The following CD247 variants were observed in gnomAD, a reference collection of about 807,000 sequenced individuals.
CD247 encodes the protein T-cell surface glycoprotein CD3 zeta chain.
CD247 carries 13 observed loss-of-function variants against 30.0 expected under a neutral mutation model. That is an observed-to-expected ratio of 0.43 (90% CI 0.28 to 0.69). The LOEUF (loss-of-function observed/expected upper bound fraction) is 0.69, where lower values mean the gene tolerates loss of function less well. Among genes scored for constraint, CD247 ranks in the 30% least tolerant of loss-of-function variants. The probability of loss-of-function intolerance (pLI) is 0.16; values close to 1 mark genes in which losing one functional copy is unlikely to be tolerated. For missense variants in CD247, 193 were observed against 212.6 expected, an observed-to-expected ratio of 0.91 and a Z score of 0.57; for synonymous variants, 72 against 80.0, an observed-to-expected ratio of 0.90 and a Z score of 0.53.
intron 1 of CD247, among the ~76,000 whole-genome samples, chr1:167,487,054 A>G (rs2102071728): frequency 6.7e-6 from 1 of 149,786 alleles, no homozygotes; most frequent in East Asian, 2.0e-4. Flanking sequence ...AGCCTGGGTG[A>G]CAGAGCAAGA....
chr1:167,475,120 T>C (rs1653691081), intron 1 of CD247, among the ~76,000 whole-genome samples: 1 of 152,186 alleles, frequency 6.6e-6, no homozygotes, highest in South Asian at 2.1e-4. Context: ...ACATACTTAT[T>C]GCTCACCCTT....
At position 167,430,918 on chromosome 1, in the gene CD247, T is replaced by G. The variant is rs1259252122; in HGVS notation, c.*763A>C. On this transcript the variant is annotated 3_prime_UTR_variant, in exon 8 of 8. Transcript: ENST00000362089. The stretch of plus-strand genomic sequence containing the variant: ...CGTGAAGTGAATCAACGGCCTCCTC[T>G]TGCTCCGCAGCACTTTATTCACACT... 1 of 398,814 alleles carries G rather than the reference T, an allele frequency of 2.5e-6. No homozygotes were observed. The highest frequency in any genetic ancestry group is 2.1e-5 in the African/African-American group (1 of 48,760). 24.7% of individuals were successfully genotyped at this position (398,814 alleles called of 1,614,324 possible).
Position 167,438,841 on chromosome 1 carries a change from C to T in CD247, c.220-191G>A, listed in dbSNP as rs534823594. 5.3e-5 allele frequency among the ~76,000 whole-genome samples: 8 copies of T among 152,266 alleles called. No individual in the cohort carries two copies. In the South Asian group the frequency reaches 1.7e-3, roughly 32 times the overall value. On this transcript the variant is annotated intron_variant, in intron 3 of 7. Coordinates refer to ENST00000362089, the MANE Select transcript of CD247 (RefSeq NM_198053.3). ...GGACATCTCAGAGAACACGCCTTAA[C>T]ATGACAGTGGATGGGATCCCCAAAG...
At chr1:167,459,142 TTAA>T (rs1652871722) in intron 1 of CD247, among the ~76,000 whole-genome samples, 1 of 134,980 alleles carries the variant, frequency 7.4e-6, no homozygotes. Flanking sequence ...CTCAAAAATT[TTAA>T]AAAAAAAAAA....
intron 1 of CD247, among the ~76,000 whole-genome samples, chr1:167,500,000 T>TG (rs1379204951): frequency 6.6e-6 from 1 of 152,208 alleles, no homozygotes; most frequent in Non-Finnish European, 1.5e-5. Context: ...TTCTCCTCCC[T>TG]GGGGCACGTG....
intron 1 of CD247, chr1:167,459,857 A>G (rs748351508): frequency 1.3e-5 from 2 of 152,198 alleles, no homozygotes; most frequent in Admixed American, 6.5e-5. Flanking sequence ...ATATTTGGTG[A>G]CAGGTCTGTC....
intron 1 of CD247, among the ~76,000 whole-genome samples, chr1:167,491,731 CAGAT>C (rs754943481): frequency 2.2e-4 from 34 of 152,280 alleles, no homozygotes; most frequent in Non-Finnish European, 3.1e-4. Context: ...CACTCATTGA[CAGAT>C]GGATGGATGA....
intron 1 of CD247, among the ~76,000 whole-genome samples, chr1:167,479,481 GATGTGACAT>G (rs1271384706): frequency 1.3e-5 from 2 of 152,182 alleles, no homozygotes; most frequent in African/African-American, 4.8e-5. Flanking sequence ...GCGATTACAT[GATGTGACAT>G]ATCCGCCTCC....
intron 1 of CD247, among the ~76,000 whole-genome samples, chr1:167,471,606 G>C (rs184698542): frequency 6.6e-6 from 1 of 151,958 alleles, no homozygotes; most frequent in Admixed American, 6.6e-5. Flanking sequence ...CTTATATTTT[G>C]TTTATGTGTT....
chr1:167,445,942 G>C (rs540317029), intron 1 of CD247, among the ~76,000 whole-genome samples: 75 of 152,274 alleles, frequency 4.9e-4, no homozygotes, highest in African/African-American at 1.8e-3. Context: ...GTGTCTGATG[G>C]AGTTAGATTC....
At chr1:167,448,310 C>T (rs1242045430) in intron 1 of CD247, 3 of 966,880 alleles carry the variant, frequency 3.1e-6, no homozygotes, top group Non-Finnish European at 3.7e-6. Flanking sequence ...TCTGGATCCA[C>T]AGTCCAGGTC....
At chr1:167,495,845 TC>T (rs1233218085) in intron 1 of CD247, among the ~76,000 whole-genome samples, 1 of 152,166 alleles carries the variant, frequency 6.6e-6, no homozygotes, top group East Asian at 1.9e-4. Context: ...AATGCCACCA[TC>T]TTAGCAAGGA....
At chr1:167,478,992 A>G (rs957787639) in intron 1 of CD247, among the ~76,000 whole-genome samples, 2 of 152,258 alleles carry the variant, frequency 1.3e-5, no homozygotes, top group Non-Finnish European at 2.9e-5. Context: ...CTAGATAAGC[A>G]TATATTACTT....
At chr1:167,503,127 G>C (rs760417385) in intron 1 of CD247, among the ~76,000 whole-genome samples, 6 of 152,182 alleles carry the variant, frequency 3.9e-5, no homozygotes, top group Non-Finnish European at 8.8e-5. Flanking sequence ...GGAAACTGTG[G>C]AACAGCTACC....
intron 1 of CD247, among the ~76,000 whole-genome samples, chr1:167,456,484 G>C (rs1337249273): frequency 3.3e-5 from 5 of 152,214 alleles, no homozygotes; most frequent in African/African-American, 1.2e-4. Context: ...GGCAGAAAAA[G>C]GTAGTTCTAG....
chr1:167,503,252 A>AC (rs1654986194), intron 1 of CD247, among the ~76,000 whole-genome samples: 1 of 152,112 alleles, frequency 6.6e-6, no homozygotes, highest in Non-Finnish European at 1.5e-5. Flanking sequence ...CCATGCCCTG[A>AC]ATTGCAAAGT....
At chr1:167,435,652 C>T (rs923966658) in intron 4 of CD247, among the ~76,000 whole-genome samples, 4 of 152,236 alleles carry the variant, frequency 2.6e-5, no homozygotes, top group African/African-American at 9.6e-5. Context: ...ATACACACTT[C>T]GCTCTTCCAG....
At chr1:167,441,417 C>A (rs1339798058) in intron 1 of CD247, among the ~76,000 whole-genome samples, 1 of 152,114 alleles carries the variant, frequency 6.6e-6, no homozygotes, top group Non-Finnish European at 1.5e-5. Context: ...TGCCCCTCCC[C>A]ACCTAGGCCC....
At chr1:167,476,042 C>T (rs756485412) in intron 1 of CD247, among the ~76,000 whole-genome samples, 6 of 152,000 alleles carry the variant, frequency 3.9e-5, no homozygotes, top group South Asian at 2.1e-4. Flanking sequence ...TACACACTAA[C>T]GTATGTATAT....
Sources: allele counts gnomAD v4.1 joint callset (sites outside exome capture counted in the v4.1 genomes callset), GRCh38; gene constraint gnomAD v4.1.1; transcripts MANE v1.5; gene names NCBI Gene and HGNC (gene_info 2026-07-23, HGNC 2026-07-21).